The following AUTS2 variants were observed in gnomAD, a reference collection of about 807,000 sequenced individuals.
AUTS2 encodes the protein autism susceptibility gene 2 protein.
AUTS2 carries 17 observed loss-of-function variants against 112.4 expected under a neutral mutation model. That is an observed-to-expected ratio of 0.15 (90% CI 0.10 to 0.23). The LOEUF is 0.23. AUTS2 is among the 10% of genes least tolerant of loss of function. The pLI, the probability that AUTS2 is intolerant of heterozygous loss-of-function variation, is 1.00. For synonymous variants in AUTS2, 751 were observed against 702.7 expected (o/e 1.07, Z -1.09); for missense variants, 1,510 against 1,701.6 (o/e 0.89, Z 1.98).
At chr7:70,515,864 A>G (rs1799395200) in intron 5 of AUTS2, among the ~76,000 whole-genome samples, 1 of 152,230 alleles carries the variant, frequency 6.6e-6, no homozygotes, top group African/African-American at 2.4e-5. Flanking sequence ...TGCATTTTAA[A>G]GTTGAGGGAT....
chr7:70,392,345 T>C (rs1793903211), intron 4 of AUTS2, among the ~76,000 whole-genome samples: 1 of 152,144 alleles, frequency 6.6e-6, no homozygotes, highest in Non-Finnish European at 1.5e-5. Context: ...TGTGTGCATG[T>C]GTTGTGCTTC....
intron 4 of AUTS2, among the ~76,000 whole-genome samples, chr7:70,136,287 G>T (rs140113447): frequency 6.6e-6 from 1 of 152,010 alleles, no homozygotes; most frequent in East Asian, 1.9e-4. Context: ...AAAGTCTGTC[G>T]TATTATTAGC....
At chr7:70,152,795 TA>T (rs1807515672) in intron 4 of AUTS2, among the ~76,000 whole-genome samples, 1 of 152,084 alleles carries the variant, frequency 6.6e-6, no homozygotes, top group Admixed American at 6.6e-5. Context: ...ATTAAAACCA[TA>T]ATAGGTATAT....
chr7:70,261,835 C>T lies in AUTS2; in HGVS notation c.660+127264C>T, dbSNP rs189156558. ...GAAAGCAGACCCCTGGCCTCAGGAG[C>T]GCCTCTTTGATCATGAATGTCTATG... On this transcript the variant is annotated intron_variant, in intron 4 of 18. Transcript: ENST00000342771. Among the ~76,000 whole-genome samples the T allele has an allele frequency of 9.8e-5, 15 of 152,308 alleles. 1 individual carries two copies. In the Middle Eastern group the frequency reaches 0.01, roughly 104 times the overall value.
rs1799014826 is a variant in AUTS2, at chr7:70,507,551, C to G, written c.690+71770C>G. On this transcript the variant is annotated intron_variant, in intron 5 of 18. Transcript: ENST00000342771. Reference sequence around the variant, plus strand: ...GTGGCTCACACCTATAATCCCAGCACTTTGGGAGACTGAGGTGGGTGGATC... The same window carrying G: ...GTGGCTCACACCTATAATCCCAGCAGTTTGGGAGACTGAGGTGGGTGGATC... Among the ~76,000 whole-genome samples the G allele has an allele frequency of 2.0e-5, 3 of 152,044 alleles. No individual in the cohort carries two copies. In the South Asian group the frequency reaches 6.2e-4, roughly 32 times the overall value.
chr7:70,603,993 C>G (rs1001856730), intron 5 of AUTS2, among the ~76,000 whole-genome samples: 1 of 152,062 alleles, frequency 6.6e-6, no homozygotes, highest in Non-Finnish European at 1.5e-5. Context: ...GGTTTAAACC[C>G]GGGTCCCTCT....
At chr7:69,825,108 A>G (rs1791182175) in intron 1 of AUTS2, among the ~76,000 whole-genome samples, 1 of 152,218 alleles carries the variant, frequency 6.6e-6, no homozygotes, top group Non-Finnish European at 1.5e-5. Flanking sequence ...TTTAGCGTTT[A>G]CATAGTTATC....
chr7:69,882,777 G>C (rs1794111453), intron 1 of AUTS2, among the ~76,000 whole-genome samples: 3 of 152,168 alleles, frequency 2.0e-5, no homozygotes, highest in Non-Finnish European at 4.4e-5. Context: ...AAAATATCCA[G>C]TATGTTGCTT....
chr7:70,642,886 C>T (rs1179566478), intron 5 of AUTS2, among the ~76,000 whole-genome samples: 2 of 152,218 alleles, frequency 1.3e-5, no homozygotes, highest in African/African-American at 2.4e-5. Flanking sequence ...TTGCCTCTGC[C>T]CGTTGATGGC....
chr7:69,897,101 T>G (rs1794779983), intron 1 of AUTS2, among the ~76,000 whole-genome samples: 1 of 152,210 alleles, frequency 6.6e-6, no homozygotes, highest in Non-Finnish European at 1.5e-5. Context: ...TGGCATGTAC[T>G]GGGCACACAA....
intron 5 of AUTS2, among the ~76,000 whole-genome samples, chr7:70,492,703 G>GTT (rs1798298738): frequency 6.6e-6 from 1 of 152,156 alleles, no homozygotes; most frequent in Non-Finnish European, 1.5e-5. Flanking sequence ...CATGTATAGA[G>GTT]AGTCACTGTG....
intron 1 of AUTS2, among the ~76,000 whole-genome samples, chr7:69,689,016 C>T (rs974911463): frequency 6.6e-6 from 1 of 152,174 alleles, no homozygotes; most frequent in African/African-American, 2.4e-5. Context: ...CTCTTTGGCA[C>T]TGTCTGGGAT....
intron 2 of AUTS2, among the ~76,000 whole-genome samples, chr7:69,915,413 AT>A (rs968540541): frequency 2.0e-5 from 3 of 152,200 alleles, no homozygotes; most frequent in Non-Finnish European, 4.4e-5. Context: ...CTCAGGTGCA[AT>A]TTACTGGGAA....
intron 1 of AUTS2, among the ~76,000 whole-genome samples, chr7:69,891,796 TTTTTTTTTTTTTTTTG>T (rs1794536424): frequency 9.0e-6 from 1 of 111,012 alleles, no homozygotes; most frequent in South Asian, 3.5e-4. Flanking sequence ...TTTTTTTTTT[TTTTTTTTTTTTTTTTG>T]AGATGGAGTA....
intron 4 of AUTS2, chr7:70,290,316 G>C: frequency 7.0e-7 from 1 of 1,438,338 alleles, no homozygotes; most frequent in Non-Finnish European, 9.1e-7. Context: ...TTATATCAGA[G>C]GGCATTTAAC....
chr7:70,018,745 T>G (rs1800142160), intron 2 of AUTS2, among the ~76,000 whole-genome samples: 1 of 152,192 alleles, frequency 6.6e-6, no homozygotes, highest in African/African-American at 2.4e-5. Flanking sequence ...TCTTAAAACT[T>G]ACTTTACAAA....
intron 4 of AUTS2, among the ~76,000 whole-genome samples, chr7:70,346,281 T>C (rs530809216): frequency 6.6e-6 from 1 of 152,196 alleles, no homozygotes; most frequent in Non-Finnish European, 1.5e-5. Flanking sequence ...ATTTTTATCA[T>C]GTCTCTAAAA....
intron 4 of AUTS2, among the ~76,000 whole-genome samples, chr7:70,413,137 A>G (rs1463285157): frequency 6.6e-6 from 1 of 152,244 alleles, no homozygotes; most frequent in East Asian, 1.9e-4. Flanking sequence ...TGATTGACAT[A>G]TCCAAGGAGT....
intron 4 of AUTS2, among the ~76,000 whole-genome samples, chr7:70,428,705 G>A (rs571293837): frequency 7.9e-5 from 12 of 152,292 alleles, no homozygotes; most frequent in South Asian, 6.2e-4. Flanking sequence ...TTTGAGATAC[G>A]AAATAACTGT....
Sources: gnomAD v4.1 joint callset for allele counts (sites outside exome capture counted in the v4.1 genomes callset) on GRCh38, gnomAD v4.1.1 for gene constraint, MANE v1.5 for transcripts, NCBI Gene and HGNC (gene_info 2026-07-23, HGNC 2026-07-21) for gene names.